Variants in LINGO2 observed in about 807,000 individuals in gnomAD.
The protein encoded by LINGO2 is leucine-rich repeat and immunoglobulin-like domain-containing nogo receptor-interacting protein 2.
A neutral mutation model predicts 30.6 loss-of-function variants in LINGO2; 14 were observed. That is an observed-to-expected ratio of 0.46 (90% CI 0.30 to 0.72). The LOEUF (loss-of-function observed/expected upper bound fraction) is 0.72. Ranked by LOEUF, LINGO2 falls within the 30% of genes least tolerant of loss-of-function variation. LINGO2 has a pLI of 0.07. For synonymous variants in LINGO2, 317 were observed against 288.5 expected (o/e 1.10, Z -1.00); for missense variants, 729 against 751.7 (o/e 0.97, Z 0.35).
intron 5 of LINGO2, among the ~76,000 whole-genome samples, chr9:27,959,986 C>T (rs1349694278): frequency 6.6e-6 from 1 of 151,962 alleles, no homozygotes; most frequent in African/African-American, 2.4e-5. Flanking sequence ...ATGTATAAAT[C>T]ATTTATCATT....
At chr9:28,000,100 G>A (rs1304199519) in intron 5 of LINGO2, among the ~76,000 whole-genome samples, 3 of 152,166 alleles carry the variant, frequency 2.0e-5, no homozygotes, top group African/African-American at 7.2e-5. Flanking sequence ...GATAAACTCA[G>A]TGAAAAGACT....
At chr9:28,049,379 G>T (rs781155032) in intron 4 of LINGO2, among the ~76,000 whole-genome samples, 4 of 150,752 alleles carry the variant, frequency 2.7e-5, no homozygotes, top group Non-Finnish European at 4.4e-5. Context: ...CCCCAAGGTG[G>T]TATCAAATTC....
intron 3 of LINGO2, among the ~76,000 whole-genome samples, chr9:28,325,363 C>A (rs1355194075): frequency 3.9e-5 from 6 of 152,046 alleles, no homozygotes; most frequent in African/African-American, 1.4e-4. Flanking sequence ...AAGATAGAAC[C>A]CCTATCTCCT....
At position 28,514,687 on chromosome 9, in the gene LINGO2, C is replaced by T. The variant is rs940602966; in HGVS notation, c.-364-38662G>A. On this transcript the variant is annotated intron_variant, in intron 1 of 5. Coordinates refer to ENST00000379992, the Ensembl canonical transcript of LINGO2. The stretch of plus-strand genomic sequence containing the variant: ...TTATGGAAATCAGCCATCTATGTAA[C>T]GTAAAAGTGCAAGCGGAAACATCAA... Among the ~76,000 whole-genome samples, 6 of 151,976 alleles carry T rather than the reference C, an allele frequency of 3.9e-5. No individual in the cohort carries two copies. The South Asian group carries it at 6.2e-4, about 16-fold the overall frequency.
chr9:28,141,724 G>A (rs895306950), intron 4 of LINGO2, among the ~76,000 whole-genome samples: 12 of 152,058 alleles, frequency 7.9e-5, no homozygotes, highest in Non-Finnish European at 1.2e-4. Flanking sequence ...AGACCAGCTT[G>A]GGCAACATCA....
At chr9:28,038,522 T>C (rs1055765087) in intron 4 of LINGO2, among the ~76,000 whole-genome samples, 1 of 151,998 alleles carries the variant, frequency 6.6e-6, no homozygotes, top group Non-Finnish European at 1.5e-5. Flanking sequence ...TGAAACCCAG[T>C]CTCTACTAAA....
chr9:28,831,109 C>T, the LINGO2 span, among the ~76,000 whole-genome samples: 2 of 152,182 alleles, frequency 1.3e-5, no homozygotes, highest in East Asian at 3.9e-4. Context: ...CAGAAGCCTC[C>T]TGTCACCTCA....
rs182049699 is a variant in LINGO2, at chr9:28,470,936, C to A, written c.-279+5004G>T. 3.6e-3 allele frequency among the ~76,000 whole-genome samples: 530 copies of A among 147,440 alleles called. 6 individuals are homozygous for A. The highest frequency in any genetic ancestry group is 5.5e-3 in the Non-Finnish European group (372 of 67,094). On this transcript the variant is annotated intron_variant, in intron 2 of 5. Transcript: ENST00000379992. ...TATATAAAATATAAGTAATATATAA[C>A]ATATATATTATACATAATTTTCTTT...
At chr9:28,824,618 A>G in the LINGO2 span, among the ~76,000 whole-genome samples, 1 of 152,126 alleles carries the variant, frequency 6.6e-6, no homozygotes, top group Non-Finnish European at 1.5e-5. Context: ...CAGCATCCAG[A>G]CTCAGCAGGA....
chr9:28,614,042 C>T (rs977852785), intron 1 of LINGO2, among the ~76,000 whole-genome samples: 1 of 152,026 alleles, frequency 6.6e-6, no homozygotes, highest in Non-Finnish European at 1.5e-5. Flanking sequence ...TGACTTATGC[C>T]ATATGGTTTA....
At chr9:28,409,043 C>A (rs1822638092) in intron 2 of LINGO2, among the ~76,000 whole-genome samples, 1 of 152,042 alleles carries the variant, frequency 6.6e-6, no homozygotes, top group African/African-American at 2.4e-5. Flanking sequence ...TGTCAGTAAT[C>A]ACCCCCTCCC....
At chr9:28,462,013 C>A (rs1398015141) in intron 2 of LINGO2, among the ~76,000 whole-genome samples, 2 of 152,122 alleles carry the variant, frequency 1.3e-5, no homozygotes, top group African/African-American at 2.4e-5. Context: ...AGATTTGAAG[C>A]ATCATCTGTC....
chr9:28,232,548 A>G (rs1161657634), intron 4 of LINGO2, among the ~76,000 whole-genome samples: 1 of 152,098 alleles, frequency 6.6e-6, no homozygotes, highest in African/African-American at 2.4e-5. Context: ...AAACATTGTG[A>G]AATGCTTAAG....
chr9:28,529,606 C>CTTTTTT lies in LINGO2; in HGVS notation c.-364-53587_-364-53582dup, dbSNP rs201066699. Among the ~76,000 whole-genome samples the CTTTTTT allele has an allele frequency of 2.2e-3, 274 of 125,280 alleles. 1 individual carries two copies. Among genetic ancestry groups the CTTTTTT allele is most frequent in the Admixed American group, 5.9e-3 (72 of 12,188 alleles). The allele number at this position is 125,280 out of a possible 152,430, so 82.2% of individuals were successfully genotyped here. Reference sequence around the variant, plus strand: ...TAAGACCAGTTGCAAATTGCAAATACTTTTTTTTTTTTTTTTTTTGCCATC... The same window carrying CTTTTTT: ...TAAGACCAGTTGCAAATTGCAAATACTTTTTTTTTTTTTTTTTTTTTTTTTGCCATC... On this transcript the variant is annotated intron_variant, in intron 1 of 5. Coordinates refer to ENST00000379992, the Ensembl canonical transcript of LINGO2.
chr9:28,223,950 G>A (rs905384148), intron 4 of LINGO2, among the ~76,000 whole-genome samples: 1 of 152,222 alleles, frequency 6.6e-6, no homozygotes, highest in African/African-American at 2.4e-5. Flanking sequence ...AAGATGACAA[G>A]TAATTATATT....
intron 4 of LINGO2, among the ~76,000 whole-genome samples, chr9:28,143,128 A>G (rs1219538207): frequency 3.9e-5 from 6 of 152,218 alleles, no homozygotes; most frequent in African/African-American, 1.4e-4. Flanking sequence ...AGCTAGTCCT[A>G]CTTAGGAATC....
At chr9:28,857,605 T>A in the LINGO2 span, among the ~76,000 whole-genome samples, 1 of 151,984 alleles carries the variant, frequency 6.6e-6, no homozygotes, top group Non-Finnish European at 1.5e-5. Flanking sequence ...CACATAAGGA[T>A]CTAAACTCAC....
At chr9:28,021,936 TC>T (rs1457476420) in intron 4 of LINGO2, among the ~76,000 whole-genome samples, 1 of 152,038 alleles carries the variant, frequency 6.6e-6, no homozygotes, top group African/African-American at 2.4e-5. Flanking sequence ...TTTAAAATGT[TC>T]CATAATTACT....
the LINGO2 span, among the ~76,000 whole-genome samples, chr9:28,873,493 C>A: frequency 6.6e-6 from 1 of 151,862 alleles, no homozygotes; most frequent in East Asian, 1.9e-4. Flanking sequence ...TGGCTAAGAT[C>A]TGGAACCCAA....
Sources: allele counts gnomAD v4.1 joint callset (sites outside exome capture counted in the v4.1 genomes callset), GRCh38; gene constraint gnomAD v4.1.1; transcripts MANE v1.5; gene names NCBI Gene and HGNC (gene_info 2026-07-23, HGNC 2026-07-21).